ARPP21: variants seen among roughly 807,000 people sequenced by gnomAD.
ARPP21 encodes the protein cAMP-regulated phosphoprotein 21.
Under a neutral mutation model 113.2 loss-of-function variants are expected in ARPP21, and 69 were observed. That is an observed-to-expected ratio of 0.61 (90% CI 0.50 to 0.74). The LOEUF is 0.74. ARPP21 is among the 30% of genes least tolerant of loss of function. The pLI is 0.00. For synonymous variants in ARPP21, 368 were observed against 375.5 expected, an observed-to-expected ratio of 0.98 and a Z score of 0.23; for missense variants, 1,070 against 1,037.4, an observed-to-expected ratio of 1.03 and a Z score of -0.43.
In ARPP21 at chr3:35,684,054, A is replaced by G. The variant is rs763832567; in HGVS notation, c.261+239A>G. 3.8e-6 allele frequency: 6 copies of G among 1,599,008 alleles called. No homozygotes were observed. In the African/African-American group the frequency reaches 8.1e-5, roughly 22 times the overall value. ...AAAACTGCAAATGGAAAGGAATTCA[A>G]AAGAATTTAGATTAAAAGTTAAATA... is the stretch of plus-strand genomic sequence containing the variant. On this transcript the variant is annotated intron_variant, in intron 5 of 20. Transcript: ENST00000684406.
At chr3:35,771,186 G>A (rs993490488) in intron 19 of ARPP21, among the ~76,000 whole-genome samples, 1 of 152,194 alleles carries the variant, frequency 6.6e-6, no homozygotes, top group Admixed American at 6.5e-5. Flanking sequence ...GGAAGTCAGA[G>A]TGTTGATGGT....
chr3:35,689,423 C>A, intron 7 of ARPP21, 38 bp downstream of exon 7: 1 of 985,926 alleles, frequency 1.0e-6, no homozygotes, highest in Non-Finnish European at 1.6e-6. Flanking sequence ...TTAGAAGGAT[C>A]AAATAGAATA....
At chr3:35,728,538 T>A (rs886159926) in intron 14 of ARPP21, among the ~76,000 whole-genome samples, 25 of 139,482 alleles carry the variant, frequency 1.8e-4, no homozygotes, top group Non-Finnish European at 2.4e-4. Flanking sequence ...TTTTTTTTTT[T>A]AAATCCTTAA....
chr3:35,681,522 G>A lies in ARPP21; in HGVS notation c.-38-192G>A. ...ATTCACAAGTGTGTGTAAAGGGGGT[G>A]TGGATGGGACAACTGCATCTGCCTC... is the stretch of plus-strand genomic sequence containing the variant. On this transcript the variant is annotated intron_variant, in intron 2 of 20. Coordinates refer to ENST00000684406, the MANE Select transcript of ARPP21 (RefSeq NM_001385562.1). The A allele has an allele frequency of 1.0e-5, 5 of 487,238 alleles. No homozygotes were observed. The South Asian group carries it at 1.5e-4, about 15-fold the overall frequency. 30.2% of individuals were successfully genotyped at this position (487,238 alleles called of 1,614,324 possible).
intron 12 of ARPP21, among the ~76,000 whole-genome samples, chr3:35,716,517 A>G (rs576486558): frequency 2.0e-5 from 3 of 152,074 alleles, no homozygotes; most frequent in Admixed American, 1.3e-4. Context: ...ATTGAGAAAC[A>G]CATAAAAGGG....
rs1486880613 is a variant in ARPP21 at position 35,721,776 on chromosome 3, G to A, written c.1167G>A (p.Val389=). ...CGGCGAGTTTTGGGGGCATCACGGT[G>A]CTGACCAGGGGTGACAGCACTTCCA... ...TKTASFGGIT[V]LTRGDSTSST... The change falls in exon 14 of 21, where the codon GTG becomes GTA. Residue 389 remains valine, a synonymous_variant. Coordinates refer to ENST00000684406, the MANE Select transcript of ARPP21 (RefSeq NM_001385562.1). 1 of 1,613,548 alleles carries A rather than the reference G, an allele frequency of 6.2e-7. No homozygotes were observed. Among genetic ancestry groups the A allele is most frequent in the East Asian group, 2.2e-5 (1 of 44,862 alleles).
intron 15 of ARPP21, 78 bp from the exon 16 acceptor site, chr3:35,737,100 A>G: frequency 2.4e-6 from 2 of 818,576 alleles, no homozygotes; most frequent in African/African-American, 1.7e-5. Flanking sequence ...TTACTTTTTG[A>G]GTATCTAACA....
intron 19 of ARPP21, among the ~76,000 whole-genome samples, chr3:35,785,635 G>C (rs991492193): frequency 6.6e-6 from 1 of 152,184 alleles, no homozygotes; most frequent in African/African-American, 2.4e-5. Flanking sequence ...CATCTGATGT[G>C]TACTGCCATT....
intron 1 of ARPP21, among the ~76,000 whole-genome samples, chr3:35,678,297 C>A (rs925287931): frequency 1.5e-4 from 23 of 152,024 alleles, no homozygotes; most frequent in African/African-American, 5.5e-4. Flanking sequence ...TTGAGAACTT[C>A]ATTCAACTTG....
At chr3:35,747,359 T>TAAAAAA (rs34264524) in intron 19 of ARPP21, among the ~76,000 whole-genome samples, 8 of 108,878 alleles carry the variant, frequency 7.3e-5, no homozygotes, top group East Asian at 2.8e-4. Context: ...AGACTCCATC[T>TAAAAAA]AAAAAAAAAA....
At chr3:35,654,373 TA>T (rs1026333873) in intron 1 of ARPP21, among the ~76,000 whole-genome samples, 22 of 152,222 alleles carry the variant, frequency 1.4e-4, no homozygotes, top group African/African-American at 5.3e-4. Context: ...TATTCCTCTG[TA>T]AACTCAGGGA....
rs373149403 is a variant in ARPP21, at chr3:35,762,096, C to CCTCTCTCTCT, written c.2137+18153_2137+18162dup. Among the ~76,000 whole-genome samples the CCTCTCTCTCT allele has an allele frequency of 7.3e-3, 992 of 135,986 alleles. 2 individuals carry two copies. Among genetic ancestry groups the CCTCTCTCTCT allele is most frequent in the African/African-American group, 0.013 (446 of 33,078 alleles). The allele number at this position is 135,986 out of a possible 152,430, so 89.2% of individuals were successfully genotyped here. On this transcript the variant is annotated intron_variant, in intron 19 of 20. Transcript: ENST00000684406. ...TAATAACTACACAGACTCTCTCTCTCCTCTCTCTCTCTCTCTCTCTCTCTC... is the reference window on the plus strand; with the variant it reads ...TAATAACTACACAGACTCTCTCTCTCCTCTCTCTCTCTCTCTCTCTCTCTCTCTCTCTCTC...
chr3:35,774,239 AG>A (rs2096287875), intron 19 of ARPP21, among the ~76,000 whole-genome samples: 1 of 152,160 alleles, frequency 6.6e-6, no homozygotes, highest in South Asian at 2.1e-4. Flanking sequence ...CAACATAGCA[AG>A]GCCCTTATAA....
intron 19 of ARPP21, among the ~76,000 whole-genome samples, chr3:35,784,267 G>A (rs2096585242): frequency 6.6e-6 from 1 of 152,228 alleles, no homozygotes; most frequent in African/African-American, 2.4e-5. Flanking sequence ...TAGGTCATTA[G>A]CATGCCAGAG....
intron 1 of ARPP21, among the ~76,000 whole-genome samples, chr3:35,674,657 C>A (rs1050889381): frequency 6.6e-6 from 1 of 151,830 alleles, no homozygotes; most frequent in African/African-American, 2.4e-5. Context: ...GCAGCTAGAT[C>A]TCAGACAACT....
At chr3:35,665,729 A>G (rs972151765) in intron 1 of ARPP21, among the ~76,000 whole-genome samples, 1 of 152,174 alleles carries the variant, frequency 6.6e-6, no homozygotes, top group Non-Finnish European at 1.5e-5. Context: ...ATGAAGAGCT[A>G]CTTAATGAAC....
At chr3:35,659,618 G>A (rs1706730287) in intron 1 of ARPP21, among the ~76,000 whole-genome samples, 1 of 152,166 alleles carries the variant, frequency 6.6e-6, no homozygotes, top group Admixed American at 6.5e-5. Flanking sequence ...TGTGTAGCCT[G>A]ATAGAGACAT....
chr3:35,715,426 T>C lies in ARPP21; in HGVS notation c.898-13T>C, dbSNP rs768446058. ...CAGAACTTCTGATCCAATGCCTTTTTTTTATTTTTCAGTCAGTTTGCTCCC... is the reference window on the plus strand; with the variant it reads ...CAGAACTTCTGATCCAATGCCTTTTCTTTATTTTTCAGTCAGTTTGCTCCC... On this transcript the variant is annotated splice_polypyrimidine_tract_variant and intron_variant, in intron 11 of 20. Coordinates refer to ENST00000684406, the MANE Select transcript of ARPP21 (RefSeq NM_001385562.1). The C allele has an allele frequency of 2.2e-5, 36 of 1,612,468 alleles. No homozygotes were observed. The highest frequency in any genetic ancestry group is 2.5e-5 in the Non-Finnish European group (30 of 1,178,932).
intron 19 of ARPP21, among the ~76,000 whole-genome samples, chr3:35,747,824 A>AT (rs2095166757): frequency 6.6e-6 from 1 of 151,898 alleles, no homozygotes; most frequent in Admixed American, 6.6e-5. Context: ...AGGTGAGAGG[A>AT]TTGCTTGAGC....
Sources: allele counts gnomAD v4.1 joint callset (sites outside exome capture counted in the v4.1 genomes callset), GRCh38; gene constraint gnomAD v4.1.1; transcripts MANE v1.5; gene names NCBI Gene and HGNC (gene_info 2026-07-23, HGNC 2026-07-21).